The following PPHLN1 variants were observed in gnomAD, a reference collection of about 807,000 sequenced individuals.
PPHLN1 encodes periphilin 1.
A neutral mutation model predicts 51.3 loss-of-function variants in PPHLN1; 29 were observed. That is an observed-to-expected ratio of 0.57 (90% confidence interval 0.42 to 0.77). The LOEUF (loss-of-function observed/expected upper bound fraction) is 0.77, where lower values mean the gene tolerates loss of function less well. Among genes scored for constraint, PPHLN1 ranks in the 30% least tolerant of loss-of-function variants. The probability of loss-of-function intolerance (pLI) is 0.00; values close to 1 mark genes in which losing one functional copy is unlikely to be tolerated. For missense variants in PPHLN1, 436 were observed against 438.4 expected (o/e 0.99, Z 0.05); for synonymous variants, 147 against 147.8 (o/e 0.99, Z 0.04).
chr12:42,431,972 C>G (rs2082076821), intron 9 of PPHLN1: 67 of 1,482,516 alleles, frequency 4.5e-5, no homozygotes, highest in Non-Finnish European at 5.9e-5. Flanking sequence ...GCATCAGTGT[C>G]TGCAGTCTGA....
At position 42,342,229 on chromosome 12, in the gene PPHLN1, G is replaced by GCATT. The variant is rs140038754; in HGVS notation, c.72+6281_72+6284dup. 3.9e-3 allele frequency among the ~76,000 whole-genome samples: 593 copies of GCATT among 151,824 alleles called. 4 individuals carry two copies. The highest frequency in any genetic ancestry group is 3.3e-3 in the Non-Finnish European group (226 of 67,972). On this transcript the variant is annotated intron_variant, in intron 2 of 9. Transcript: ENST00000358314. ...CTTTATCAAGTTTTGTGACAGAATG[G>GCATT]CATTCATTCATTCATTCATTCATTC...
At chr12:42,418,316 G>A (rs1592881338) in intron 9 of PPHLN1, among the ~76,000 whole-genome samples, 2 of 146,570 alleles carry the variant, frequency 1.4e-5, no homozygotes, top group African/African-American at 5.1e-5. Flanking sequence ...AAACAAAGAT[G>A]AGCACTGCAG....
At chr12:42,340,192 C>T (rs1009691543) in intron 2 of PPHLN1, among the ~76,000 whole-genome samples, 3 of 151,464 alleles carry the variant, frequency 2.0e-5, no homozygotes, top group East Asian at 3.9e-4. Flanking sequence ...CCTGTAGTCC[C>T]ACCTACATTG....
intron 5 of PPHLN1, among the ~76,000 whole-genome samples, chr12:42,379,551 T>C (rs1470402671): frequency 6.6e-6 from 1 of 152,022 alleles, no homozygotes; most frequent in East Asian, 1.9e-4. Context: ...CTGTTTCCTG[T>C]AATTTGTAAC....
At chr12:42,384,136 C>T (rs1184344542) in intron 5 of PPHLN1, among the ~76,000 whole-genome samples, 1 of 151,688 alleles carries the variant, frequency 6.6e-6, no homozygotes, top group Admixed American at 6.6e-5. Context: ...ACTGCTTCCT[C>T]AACATTATTG....
Position 42,374,708 on chromosome 12 carries a change from C to G in PPHLN1, c.300-155C>G, listed in dbSNP as rs915387080. The G allele has an allele frequency of 1.4e-4, 80 of 569,838 alleles. No individual in the cohort carries two copies. In the African/African-American group the frequency reaches 1.4e-3, roughly 10 times the overall value. The allele number at this position is 569,838 out of a possible 1,614,324, so 35.3% of individuals were successfully genotyped here. A position where few individuals can be genotyped will look rare whatever the true frequency, so the allele number is the denominator to read the frequency against. ...TGACCTCGTGATCTGCCCGTCTCGG[C>G]CTCCCAAAGTGCTGGGATTACAGGC... On this transcript the variant is annotated intron_variant, in intron 4 of 9. Coordinates refer to ENST00000358314, the MANE Select transcript of PPHLN1 (RefSeq NM_201439.2).
chr12:42,328,895 G>C (rs1461098221), intron 1 of PPHLN1, among the ~76,000 whole-genome samples: 1 of 151,992 alleles, frequency 6.6e-6, no homozygotes, highest in Non-Finnish European at 1.5e-5. Context: ...TATTTTTTAA[G>C]TGGAGACGGG....
intron 9 of PPHLN1, among the ~76,000 whole-genome samples, chr12:42,411,903 C>CAAAAAAAAAAAA (rs1212289027): frequency 1.8e-4 from 6 of 33,984 alleles, no homozygotes; most frequent in African/African-American, 6.2e-4. Flanking sequence ...GACTCAGTCT[C>CAAAAAAAAAAAA]AAAAAAAAAA....
chr12:42,417,445 T>C lies in PPHLN1; in HGVS notation c.909+18451T>C, dbSNP rs145653483. On this transcript the variant is annotated intron_variant, in intron 9 of 9. Transcript: ENST00000358314. ...GGAGGAGGGGGAGTCCTATCAGCAG[T>C]TGGATTTCCTGAATTGGGCGTGCAA... Among the ~76,000 whole-genome samples the C allele has an allele frequency of 1.9e-3, 286 of 152,128 alleles. 1 individual carries two copies. Among genetic ancestry groups the C allele is most frequent in the African/African-American group, 6.1e-3 (252 of 41,478 alleles).
intron 4 of PPHLN1, chr12:42,374,546 T>G (rs2076076351): frequency 1.3e-5 from 3 of 224,012 alleles, no homozygotes; most frequent in Non-Finnish European, 2.7e-5. Context: ...TTCACGCTGT[T>G]CTCCTGCCTC....
At chr12:42,375,125 A>G in intron 5 of PPHLN1, 51 bp downstream of exon 5, 1 of 1,347,256 alleles carries the variant, frequency 7.4e-7, no homozygotes, top group Non-Finnish European at 1.0e-6. Context: ...CTCTGATGAG[A>G]ATGTACTGAG....
chr12:42,403,612 T>C (rs558069516), intron 9 of PPHLN1, among the ~76,000 whole-genome samples: 1 of 152,204 alleles, frequency 6.6e-6, no homozygotes, highest in African/African-American at 2.4e-5. Flanking sequence ...ATGAATCTGT[T>C]AAGATGTTAT....
intron 4 of PPHLN1, among the ~76,000 whole-genome samples, chr12:42,371,140 A>G (rs2075768019): frequency 1.3e-5 from 1 of 79,910 alleles, no homozygotes; most frequent in Non-Finnish European, 2.3e-5. Context: ...TTTTTTTTTG[A>G]GACAGAGTCT....
intron 2 of PPHLN1, among the ~76,000 whole-genome samples, chr12:42,346,750 C>T (rs1051981657): frequency 3.9e-5 from 6 of 152,204 alleles, no homozygotes; most frequent in African/African-American, 1.4e-4. Flanking sequence ...CCCTCACCAA[C>T]ATTTGTAATC....
intron 5 of PPHLN1, among the ~76,000 whole-genome samples, chr12:42,376,877 A>G (rs1355814269): frequency 2.0e-5 from 3 of 152,200 alleles, no homozygotes; most frequent in Non-Finnish European, 2.9e-5. Flanking sequence ...GTTCTGGGTA[A>G]CTGAAAGTTT....
chr12:42,430,929 A>C (rs538235660), intron 9 of PPHLN1, among the ~76,000 whole-genome samples: 5 of 152,386 alleles, frequency 3.3e-5, no homozygotes, highest in Admixed American at 1.3e-4. Flanking sequence ...ACTAACATGT[A>C]GTTTATATAG....
chr12:42,421,636 T>C (rs1480973653), intron 9 of PPHLN1, among the ~76,000 whole-genome samples: 1 of 152,158 alleles, frequency 6.6e-6, no homozygotes, highest in African/African-American at 2.4e-5. Context: ...GCATGAGCCA[T>C]TACGCTGAGC....
In PPHLN1 at chr12:42,393,591, C is replaced by G; in HGVS notation, c.670C>G (p.Leu224Val). The G allele has an allele frequency of 1.9e-6, 3 of 1,609,374 alleles. No individual in the cohort carries two copies. Among genetic ancestry groups the G allele is most frequent in the African/African-American group, 1.3e-5 (1 of 74,710 alleles). The change falls in exon 8 of 10, where the codon CTA becomes GTA. Residue 224 changes from leucine (L) to valine (V), a missense_variant. Leu to Val is a conservative substitution (Grantham distance 32, BLOSUM62 1). Transcript: ENST00000358314. The stretch of plus-strand genomic sequence containing the variant: ...TTAGGTGTTAGACAAACCCAGTAGG[C>G]TAACTGAAAAGGAACTTGCTGAGGC... ...SSKVLDKPSR[L>V]TEKELAEAAS...
intron 9 of PPHLN1, among the ~76,000 whole-genome samples, chr12:42,406,894 T>C (rs1041151315): frequency 6.6e-6 from 1 of 152,248 alleles, no homozygotes; most frequent in African/African-American, 2.4e-5. Flanking sequence ...GTATCAAATA[T>C]AGCAGGGATC....
Sources: gnomAD v4.1 joint callset for allele counts (sites outside exome capture counted in the v4.1 genomes callset) on GRCh38, gnomAD v4.1.1 for gene constraint, MANE v1.5 for transcripts, NCBI Gene and HGNC (gene_info 2026-07-23, HGNC 2026-07-21) for gene names.